EFEMP1: variants seen among roughly 807,000 people sequenced by gnomAD.
EFEMP1 encodes EGF-like fibulin extracellular matrix protein 1, also known as EGF-containing fibulin-like extracellular matrix protein 1.
Under a neutral mutation model 65.7 loss-of-function variants are expected in EFEMP1, and 18 were observed. The ratio of observed to expected loss-of-function variants is 0.27; its 90% confidence interval spans 0.19 to 0.41. The LOEUF (loss-of-function observed/expected upper bound fraction) is 0.41. Ranked by LOEUF, EFEMP1 falls within the 10% of genes least tolerant of loss-of-function variation. The pLI is 1.00. For missense variants in EFEMP1, 469 were observed against 624.8 expected (o/e 0.75, Z 2.66); for synonymous variants, 237 against 219.7 (o/e 1.08, Z -0.70).
At chr2:55,874,820 A>G in intron 9 of EFEMP1, 126 bp downstream of exon 9, 1 of 1,040,104 alleles carries the variant, frequency 9.6e-7, no homozygotes, top group Non-Finnish European at 1.3e-6. Flanking sequence ...AACAGGGGAA[A>G]AAAGAGCTTA....
chr2:55,878,753 C>A (rs1669129325), intron 6 of EFEMP1, among the ~76,000 whole-genome samples: 1 of 152,106 alleles, frequency 6.6e-6, no homozygotes. Flanking sequence ...CTCAGGATAA[C>A]CTGAGTCTGA....
chr2:55,913,604 C>CT (rs5831387), intron 5 of EFEMP1, among the ~76,000 whole-genome samples: 57,097 of 147,490 alleles, frequency 0.39, 14,358 homozygotes, highest in African/African-American at 0.72. Context: ...TCCCAAATGA[C>CT]TTTTTTTTTT....
chr2:55,917,582 T>C lies in EFEMP1; in HGVS notation c.517+83A>G. ...AGCATGATGTCTGGCACGCGAGAAGTCCTTAATAAATTATCATCATCCTCA... is the reference window on the plus strand; with the variant it reads ...AGCATGATGTCTGGCACGCGAGAAGCCCTTAATAAATTATCATCATCCTCA... On this transcript the variant is annotated intron_variant, in intron 5 of 11. Transcript: ENST00000355426. This position sits in a 1 kb window ranked among gnomAD's most constrained non-coding sequence, Gnocchi z 6.3. The C allele has an allele frequency of 6.4e-7, 1 of 1,570,262 alleles. No homozygotes were observed. The highest frequency in any genetic ancestry group is 8.8e-7 in the Non-Finnish European group (1 of 1,140,674).
At chr2:55,879,718 G>A (rs1450753947) in intron 6 of EFEMP1, among the ~76,000 whole-genome samples, 1 of 152,198 alleles carries the variant, frequency 6.6e-6, no homozygotes, top group East Asian at 1.9e-4. Flanking sequence ...TACTTGAAGT[G>A]TGGCCTGCTG....
Position 55,873,214 on chromosome 2 carries a change from C to G in EFEMP1, c.1000+1732G>C, listed in dbSNP as rs1668888414. Among the ~76,000 whole-genome samples, 1 of 151,958 alleles carries G rather than the reference C, an allele frequency of 6.6e-6. No individual in the cohort carries two copies. The highest frequency in any genetic ancestry group is 1.5e-5 in the Non-Finnish European group (1 of 67,934). On this transcript the variant is annotated intron_variant, in intron 9 of 11. Transcript: ENST00000355426. The surrounding 1 kb of genome is among the most constrained non-coding windows in gnomAD (Gnocchi z 4.6). ...TTCAATTTCATTTTATTCCTGTGGA[C>G]AAGGCTCAGAAGGAACGATTTCCGT...
chr2:55,881,247 C>T (rs1363338151), intron 6 of EFEMP1, among the ~76,000 whole-genome samples: 1 of 152,206 alleles, frequency 6.6e-6, no homozygotes, highest in Non-Finnish European at 1.5e-5. Context: ...GCTCTATGTG[C>T]TGTGCTATGC....
chr2:55,901,431 C>A (rs556481733), intron 5 of EFEMP1, among the ~76,000 whole-genome samples: 1 of 152,064 alleles, frequency 6.6e-6, no homozygotes, highest in Non-Finnish European at 1.5e-5. Context: ...GGATTGATAG[C>A]ATTTTAGAAG....
In EFEMP1 at chr2:55,870,615, T is replaced by G; in HGVS notation, c.1320+105A>C. The stretch of plus-strand genomic sequence containing the variant: ...GCCTACACATAAGACACTTTAAATG[T>G]TTGCTTTCCTTCCACATGTGGATAC... On this transcript the variant is annotated intron_variant, in intron 11 of 11. Coordinates refer to ENST00000355426, the MANE Select transcript of EFEMP1 (RefSeq NM_001039348.3). The surrounding 1 kb of genome is among the most constrained non-coding windows in gnomAD (Gnocchi z 5.8). 7.1e-7 allele frequency: 1 copy of G among 1,410,812 alleles called. No homozygotes were observed. Among genetic ancestry groups the G allele is most frequent in the Non-Finnish European group, 9.9e-7 (1 of 1,007,410 alleles). 87.4% of individuals were successfully genotyped at this position (1,410,812 alleles called of 1,614,324 possible).
At chr2:55,876,441 C>G (rs564795127) in intron 8 of EFEMP1, among the ~76,000 whole-genome samples, 182 bp downstream of exon 8, 1 of 152,198 alleles carries the variant, frequency 6.6e-6, no homozygotes, top group Non-Finnish European at 1.5e-5. Flanking sequence ...ATTTTTATTT[C>G]TTTTCCTTTT....
At chr2:55,911,934 A>C (rs1670496000) in intron 5 of EFEMP1, among the ~76,000 whole-genome samples, 1 of 152,232 alleles carries the variant, frequency 6.6e-6, no homozygotes, top group Admixed American at 6.5e-5. Context: ...TGAAAAGTAA[A>C]TTATGAAACA....
chr2:55,897,815 C>T lies in EFEMP1; in HGVS notation c.518-16081G>A, dbSNP rs1402436302. On this transcript the variant is annotated intron_variant, in intron 5 of 11. Transcript: ENST00000355426. ...TATCAGGAAAACTTGTTGCTTTCCT[C>T]TATCTACAACCAGATTACTTTTTAG... 2.0e-5 allele frequency among the ~76,000 whole-genome samples: 3 copies of T among 152,146 alleles called. No individual in the cohort carries two copies. The East Asian group carries it at 5.8e-4, about 29-fold the overall frequency.
At position 55,923,740 on chromosome 2, in the gene EFEMP1, G is replaced by C. The variant is rs1298824736; in HGVS notation, c.-78C>G. On this transcript the variant is annotated 5_prime_UTR_variant, in exon 1 of 12. Transcript: ENST00000355426. The surrounding 1 kb of genome is among the most constrained non-coding windows in gnomAD (Gnocchi z 5.3). Reference sequence around the variant, plus strand: ...GCGGCCGCGCTGCGCTCCGGGCCCGGGCAGCGAGGGGAGTGCGCAGGGGAG... The same window carrying C: ...GCGGCCGCGCTGCGCTCCGGGCCCGCGCAGCGAGGGGAGTGCGCAGGGGAG... 1 of 985,736 alleles carries C rather than the reference G, an allele frequency of 1.0e-6. No homozygotes were observed. Among genetic ancestry groups the C allele is most frequent in the Non-Finnish European group, 1.2e-6 (1 of 830,328 alleles). 61.1% of individuals were successfully genotyped at this position (985,736 alleles called of 1,614,324 possible). A position where few individuals can be genotyped will look rare whatever the true frequency, so the allele number is the denominator to read the frequency against.
intron 5 of EFEMP1, among the ~76,000 whole-genome samples, chr2:55,910,971 C>T (rs1670459484): frequency 6.6e-6 from 1 of 152,168 alleles, no homozygotes. Flanking sequence ...CAAGTTTGTG[C>T]CATGAACTTA....
intron 5 of EFEMP1, among the ~76,000 whole-genome samples, chr2:55,911,209 T>C (rs1670470257): frequency 6.6e-6 from 1 of 152,188 alleles, no homozygotes; most frequent in African/African-American, 2.4e-5. Context: ...TCAGGACTCA[T>C]GGCCACCCAT....
At chr2:55,906,706 T>A (rs188323181) in intron 5 of EFEMP1, among the ~76,000 whole-genome samples, 1 of 152,278 alleles carries the variant, frequency 6.6e-6, no homozygotes. Context: ...TTGAGTGGAG[T>A]TCTATTTCAG....
chr2:55,889,731 G>A (rs181213511), intron 5 of EFEMP1, among the ~76,000 whole-genome samples: 2 of 151,854 alleles, frequency 1.3e-5, no homozygotes, highest in African/African-American at 2.4e-5. Flanking sequence ...CTTGAATCAC[G>A]CAGGAAGAGT....
At chr2:55,904,051 C>T (rs547800869) in intron 5 of EFEMP1, among the ~76,000 whole-genome samples, 65 of 152,116 alleles carry the variant, frequency 4.3e-4, no homozygotes, top group Non-Finnish European at 7.3e-4. Flanking sequence ...TTGTTTGCTC[C>T]GTTTTTGCTT....
chr2:55,921,566 G>T lies in EFEMP1; in HGVS notation c.81+794C>A, dbSNP rs1480342964. ...CACTGATTAAAGACAAGAAAACACA[G>T]AACAGAGGTGCAAACAAACTCACCA... On this transcript the variant is annotated intron_variant, in intron 3 of 11. Coordinates refer to ENST00000355426, the MANE Select transcript of EFEMP1 (RefSeq NM_001039348.3). This position sits in a 1 kb window ranked among gnomAD's most constrained non-coding sequence, Gnocchi z 4.1. 1.3e-5 allele frequency among the ~76,000 whole-genome samples: 2 copies of T among 152,194 alleles called. No individual in the cohort carries two copies. Among genetic ancestry groups the T allele is most frequent in the Non-Finnish European group, 2.9e-5 (2 of 68,038 alleles).
In EFEMP1 at chr2:55,923,532, T is replaced by A. The variant is rs979856428; in HGVS notation, c.-49+179A>T. Among the ~76,000 whole-genome samples the A allele has an allele frequency of 6.6e-6, 1 of 152,178 alleles. No homozygotes were observed. The highest frequency in any genetic ancestry group is 1.5e-5 in the Non-Finnish European group (1 of 68,030). ...ATGTCACCCGAGTACTCGCACTTGC[T>A]GACAGATCGCATTCCGAGGCTGCAC... On this transcript the variant is annotated intron_variant, in intron 1 of 11. Coordinates refer to ENST00000355426, the MANE Select transcript of EFEMP1 (RefSeq NM_001039348.3). This position sits in a 1 kb window ranked among gnomAD's most constrained non-coding sequence, Gnocchi z 5.3.
Sources: allele counts gnomAD v4.1 joint callset (sites outside exome capture counted in the v4.1 genomes callset), GRCh38; gene constraint gnomAD v4.1.1; non-coding constraint Gnocchi (gnomAD v3.1); transcripts MANE v1.5; gene names NCBI Gene and HGNC (gene_info 2026-07-23, HGNC 2026-07-21).